VRK3: variants seen among roughly 807,000 people sequenced by gnomAD.
VRK3 encodes serine/threonine-protein kinase VRK3.
A neutral mutation model predicts 60.4 loss-of-function variants in VRK3; 50 were observed. The observed-to-expected ratio is 0.83, with a 90% CI of 0.66 to 1.05. The LOEUF (loss-of-function observed/expected upper bound fraction) is 1.05, where lower values mean the gene tolerates loss of function less well. Among genes scored for constraint, VRK3 ranks in the 50% least tolerant of loss-of-function variants. The pLI, the probability that VRK3 is intolerant of heterozygous loss-of-function variation, is 0.00. For missense variants in VRK3, 549 were observed against 585.3 expected (o/e 0.94, Z 0.64); for synonymous variants, 246 against 227.8 (o/e 1.08, Z -0.72).
Position 50,016,052 on chromosome 19 carries a change from A to C in VRK3, c.111T>G (p.Phe37Leu). The C allele has an allele frequency of 6.2e-7, 1 of 1,614,220 alleles. No individual in the cohort carries two copies. Among genetic ancestry groups the C allele is most frequent in the Non-Finnish European group, 8.5e-7 (1 of 1,180,038 alleles). The part of the protein sequence containing the change: ...PVEEHVGSQT[F>L]VNPHVSSFQG... ...GGAAGGATGACACATGTGGATTGAC[A>C]AAGGTCTGGGACCCTACATGCTCCT... The change falls in exon 3 of 15, where the codon TTT becomes TTG. Residue 37 changes from phenylalanine (F) to leucine (L), a missense_variant. Coordinates refer to ENST00000316763, the MANE Select transcript of VRK3 (RefSeq NM_016440.4).
At chr19:49,997,778 A>C in intron 6 of VRK3, 1 of 527,752 alleles carries the variant, frequency 1.9e-6, no homozygotes, top group African/African-American at 1.9e-5. Flanking sequence ...TCTTTCTCTT[A>C]TGGTAAGAGC....
intron 9 of VRK3, among the ~76,000 whole-genome samples, chr19:49,993,835 G>A (rs2076654498): frequency 6.6e-6 from 1 of 151,978 alleles, no homozygotes; most frequent in African/African-American, 2.4e-5. Flanking sequence ...CCCGGGGCCC[G>A]GGACCCTCCT....
chr19:50,016,302 T>G, intron 2 of VRK3, 139 bp from the exon 3 acceptor site: 2 of 1,128,034 alleles, frequency 1.8e-6, no homozygotes, highest in Non-Finnish European at 2.5e-6. Flanking sequence ...TGTTCACTTC[T>G]TAAAACATGC....
At chr19:50,012,690 C>T (rs2077013957) in intron 3 of VRK3, among the ~76,000 whole-genome samples, 1 of 151,848 alleles carries the variant, frequency 6.6e-6, no homozygotes, top group African/African-American at 2.4e-5. Context: ...GCCTGGCCAA[C>T]ATGGGGAAAG....
chr19:50,005,384 T>C (rs1049334841), intron 5 of VRK3, among the ~76,000 whole-genome samples: 2 of 149,392 alleles, frequency 1.3e-5, no homozygotes, highest in Non-Finnish European at 2.9e-5. Context: ...AATTCAAAGA[T>C]TTCCTATTGA....
chr19:49,979,744 A>G (rs1326033704), intron 13 of VRK3, among the ~76,000 whole-genome samples: 3 of 152,172 alleles, frequency 2.0e-5, no homozygotes, highest in East Asian at 3.9e-4. Context: ...ATCTGAACCC[A>G]GGGATTTAAA....
intron 1 of VRK3, among the ~76,000 whole-genome samples, chr19:50,024,698 G>A (rs919942518): frequency 6.6e-6 from 1 of 152,180 alleles, no homozygotes; most frequent in African/African-American, 2.4e-5. Context: ...TATAGTAAAC[G>A]CTCAATAAAA....
At chr19:50,022,413 C>T (rs952400865) in intron 1 of VRK3, among the ~76,000 whole-genome samples, 2 of 152,178 alleles carry the variant, frequency 1.3e-5, no homozygotes, top group African/African-American at 4.8e-5. Flanking sequence ...TACGCTTGTC[C>T]CTACAATCTA....
chr19:49,985,500 G>A (rs1038256558), intron 12 of VRK3, among the ~76,000 whole-genome samples: 1 of 152,082 alleles, frequency 6.6e-6, no homozygotes, highest in African/African-American at 2.4e-5. Context: ...TCCTTCAGGG[G>A]GCATTTTACC....
chr19:50,012,368 G>A (rs976464568), intron 3 of VRK3, among the ~76,000 whole-genome samples: 4 of 152,160 alleles, frequency 2.6e-5, no homozygotes, highest in African/African-American at 9.7e-5. Context: ...ATGTTCCAGG[G>A]TCCATTCAGT....
Position 50,020,588 on chromosome 19 carries a change from T to C in VRK3, c.-5A>G, listed in dbSNP as rs1178857816. On this transcript the variant is annotated 5_prime_UTR_variant, in exon 2 of 15. The change creates a new upstream start codon in the 5' untranslated region. Coordinates refer to ENST00000316763, the MANE Select transcript of VRK3 (RefSeq NM_016440.4). ...GGCTGTGCCCAAGGGATAATACCTT[T>C]ATGAGGTCACGGTCTGGCCCTTGGA... 3 of 152,194 alleles carry C rather than the reference T, an allele frequency of 2.0e-5. No individual in the cohort carries two copies. Among genetic ancestry groups the C allele is most frequent in the Non-Finnish European group, 2.9e-5 (2 of 68,030 alleles). The allele number at this position is 152,194 out of a possible 1,614,324, so 9.4% of individuals were successfully genotyped here.
Position 49,980,938 on chromosome 19 carries a change from C to T in VRK3, c.1276+17G>A. 6.2e-7 allele frequency: 1 copy of T among 1,605,056 alleles called. No individual in the cohort carries two copies. Among genetic ancestry groups the T allele is most frequent in the Middle Eastern group, 1.7e-4 (1 of 6,046 alleles). On this transcript the variant is annotated intron_variant, in intron 13 of 14. Transcript: ENST00000316763. Reference sequence around the variant, plus strand: ...CTGCCCGAGTCCCCGCCTGTTCCCGCTCCCTTCAGGACGTACCTGAGGGCC... The same window carrying T: ...CTGCCCGAGTCCCCGCCTGTTCCCGTTCCCTTCAGGACGTACCTGAGGGCC...
chr19:49,995,378 C>A, intron 7 of VRK3, 103 bp from the exon 8 acceptor site: 1 of 1,018,432 alleles, frequency 9.8e-7, no homozygotes, highest in Non-Finnish European at 1.5e-6. Context: ...AGACCGCCTC[C>A]AAGTCTCCTT....
intron 2 of VRK3, 66 bp from the exon 3 acceptor site, chr19:50,016,229 G>C (rs914460442): frequency 5.0e-6 from 8 of 1,595,870 alleles, no homozygotes; most frequent in Non-Finnish European, 5.1e-6. Flanking sequence ...AAGTATTGTT[G>C]AACTGCTCTT....
chr19:49,985,752 A>G (rs1349427668), intron 12 of VRK3, among the ~76,000 whole-genome samples: 1 of 152,224 alleles, frequency 6.6e-6, no homozygotes, highest in Non-Finnish European at 1.5e-5. Context: ...AACAGAGTCT[A>G]GCACATGGCA....
chr19:49,998,304 T>C (rs2076740155), intron 6 of VRK3: 1 of 151,878 alleles, frequency 6.6e-6, no homozygotes, highest in Non-Finnish European at 1.5e-5. Flanking sequence ...CTCGCCAACA[T>C]GGTGAAACCC....
chr19:50,019,165 T>TAAAAAAA (rs199546751), intron 2 of VRK3: 1 of 79,048 alleles, frequency 1.3e-5, no homozygotes, highest in Non-Finnish European at 2.7e-5. Context: ...ACTCCGTCTC[T>TAAAAAAA]AAAAAAAAAA....
chr19:49,994,383 G>A (rs745953), intron 9 of VRK3, among the ~76,000 whole-genome samples: 1 of 152,044 alleles, frequency 6.6e-6, no homozygotes, highest in Non-Finnish European at 1.5e-5. Flanking sequence ...ATATTTAATG[G>A]GGATGAATGA....
chr19:49,979,689 A>G (rs1421291077), intron 13 of VRK3, among the ~76,000 whole-genome samples: 1 of 152,210 alleles, frequency 6.6e-6, no homozygotes. Flanking sequence ...CAAGGTTCAC[A>G]GAGGTAGAAC....
Sources: gnomAD v4.1 joint callset for allele counts (sites outside exome capture counted in the v4.1 genomes callset) on GRCh38, gnomAD v4.1.1 for gene constraint, MANE v1.5 for transcripts, NCBI Gene and HGNC (gene_info 2026-07-23, HGNC 2026-07-21) for gene names.